Variants in MED12L observed in about 807,000 individuals in gnomAD.
The protein encoded by MED12L is mediator of RNA polymerase II transcription subunit 12-like protein.
MED12L carries 60 observed loss-of-function variants against 281.3 expected under a neutral mutation model. The observed-to-expected ratio is 0.21, with a 90% CI of 0.17 to 0.26. The LOEUF (loss-of-function observed/expected upper bound fraction) is 0.26. MED12L is among the 10% of genes least tolerant of loss of function. The pLI, the probability that MED12L is intolerant of heterozygous loss-of-function variation, is 1.00. For synonymous variants in MED12L, 974 were observed against 987.2 expected, an observed-to-expected ratio of 0.99 and a Z score of 0.25; for missense variants, 2,146 against 2,680.9, an observed-to-expected ratio of 0.80 and a Z score of 4.41.
In MED12L at chr3:151,436,367, TAGA is replaced by T. The variant is rs1164993984; in HGVS notation, c.*3566_*3568del. On this transcript the variant is annotated 3_prime_UTR_variant, in exon 45 of 45. Transcript: ENST00000687756. ...GAGGTGGACACTAGGCAACTGGTAT[TAGA>T]AGTTCATTTTTTTACTGAAAAATTC... is the stretch of plus-strand genomic sequence containing the variant. The T allele has an allele frequency of 2.7e-5, 6 of 224,008 alleles. No homozygotes were observed. The highest frequency in any genetic ancestry group is 3.5e-5 in the Non-Finnish European group (4 of 113,350). The allele number at this position is 224,008 out of a possible 1,614,324, so 13.9% of individuals were successfully genotyped here.
At chr3:151,216,021 G>C (rs182353500) in intron 16 of MED12L, among the ~76,000 whole-genome samples, 1 of 152,254 alleles carries the variant, frequency 6.6e-6, no homozygotes, top group East Asian at 1.9e-4. Context: ...TCCTAGCCTG[G>C]TTTGGGGTGG....
At chr3:151,432,607 G>A in intron 44 of MED12L, 145 bp from the exon 45 acceptor site, 1 of 590,010 alleles carries the variant, frequency 1.7e-6, no homozygotes, top group Admixed American at 3.0e-5. Context: ...CACCACAAGG[G>A]TTTTTCAGGG....
At chr3:151,417,487 C>CT (rs56128844) in intron 43 of MED12L, among the ~76,000 whole-genome samples, 38,553 of 78,788 alleles carry the variant, frequency 0.49, 10,603 homozygotes, top group Non-Finnish European at 0.57. Flanking sequence ...CCCCCCCCGC[C>CT]TTTTTTTTTT....
chr3:151,404,051 T>A (rs1387394233), intron 39 of MED12L, among the ~76,000 whole-genome samples: 1 of 152,226 alleles, frequency 6.6e-6, no homozygotes, highest in Non-Finnish European at 1.5e-5. Context: ...CAGGTGATAA[T>A]GTAATTCAGA....
At position 151,323,033 on chromosome 3, in the gene MED12L, G is replaced by A. The variant is rs146795705; in HGVS notation, c.2251-27026G>A. 1.9e-4 allele frequency among the ~76,000 whole-genome samples: 29 copies of A among 152,256 alleles called. No homozygotes were observed. The East Asian group carries it at 5.4e-3, about 28-fold the overall frequency. On this transcript the variant is annotated intron_variant, in intron 16 of 44. Coordinates refer to ENST00000687756, the MANE Select transcript of MED12L (RefSeq NM_001393769.1). ...TTCTGTGATGATGACCTAGCAAATCGTTCAAGCTAACGGTCCTGAGAGAAA... is the reference window on the plus strand; with the variant it reads ...TTCTGTGATGATGACCTAGCAAATCATTCAAGCTAACGGTCCTGAGAGAAA...
chr3:151,110,187 C>A (rs1269112673), intron 2 of MED12L, among the ~76,000 whole-genome samples: 4 of 152,158 alleles, frequency 2.6e-5, no homozygotes, highest in African/African-American at 9.7e-5. Flanking sequence ...GCATGCTGTT[C>A]CAAAATTTGG....
intron 20 of MED12L, among the ~76,000 whole-genome samples, chr3:151,359,162 T>TA (rs1186871724): frequency 6.6e-6 from 1 of 152,088 alleles, no homozygotes; most frequent in Non-Finnish European, 1.5e-5. Flanking sequence ...AGCTCCCACT[T>TA]ACAGTGAGAA....
intron 2 of MED12L, among the ~76,000 whole-genome samples, chr3:151,106,259 T>C (rs1268382635): frequency 1.7e-4 from 24 of 141,058 alleles, no homozygotes; most frequent in Middle Eastern, 3.8e-3. Context: ...TTCCTTTTCC[T>C]TTTCCCTTTC....
intron 8 of MED12L, among the ~76,000 whole-genome samples, chr3:151,162,602 C>T (rs1303775861): frequency 6.6e-6 from 1 of 151,374 alleles, no homozygotes; most frequent in East Asian, 1.9e-4. Flanking sequence ...CCACACCCAG[C>T]TAATTTTTAA....
intron 16 of MED12L, among the ~76,000 whole-genome samples, chr3:151,218,763 A>T (rs1000361948): frequency 6.9e-6 from 1 of 145,948 alleles, no homozygotes; most frequent in Non-Finnish European, 1.5e-5. Context: ...GTTACTTGGG[A>T]GGCTGAGGCA....
At chr3:151,213,392 T>A (rs1350911526) in intron 16 of MED12L, 1 of 1,614,084 alleles carries the variant, frequency 6.2e-7, no homozygotes, top group South Asian at 1.1e-5. Flanking sequence ...ATGTGCAATT[T>A]CTTACATAAG....
At chr3:151,297,419 A>C (rs1025352470) in intron 16 of MED12L, among the ~76,000 whole-genome samples, 1 of 149,210 alleles carries the variant, frequency 6.7e-6, no homozygotes, top group Admixed American at 6.7e-5. Context: ...TAGAACTCTT[A>C]GGGAAATAGA....
intron 11 of MED12L, among the ~76,000 whole-genome samples, chr3:151,176,911 C>T (rs908597431): frequency 5.3e-5 from 8 of 152,218 alleles, no homozygotes; most frequent in Non-Finnish European, 1.2e-4. Context: ...TTTAATGTAA[C>T]ACAGTGTATT....
At chr3:151,307,396 C>T (rs1746800256) in intron 16 of MED12L, among the ~76,000 whole-genome samples, 1 of 152,062 alleles carries the variant, frequency 6.6e-6, no homozygotes, top group Admixed American at 6.6e-5. Context: ...GCACAGCAGC[C>T]CTTCATTCAG....
chr3:151,312,079 T>G (rs1747620858), intron 16 of MED12L, among the ~76,000 whole-genome samples: 1 of 152,238 alleles, frequency 6.6e-6, no homozygotes, highest in East Asian at 1.9e-4. Context: ...TTTGCAGTTT[T>G]TCCCAATTTG....
intron 42 of MED12L, among the ~76,000 whole-genome samples, chr3:151,413,704 T>C (rs553574674): frequency 1.3e-5 from 2 of 152,302 alleles, no homozygotes; most frequent in South Asian, 2.1e-4. Context: ...TTCTGCAATC[T>C]AAAAACATTT....
At chr3:151,112,282 CTTTTTTT>C (rs11330453) in intron 2 of MED12L, among the ~76,000 whole-genome samples, 7 of 133,366 alleles carry the variant, frequency 5.2e-5, no homozygotes, top group Non-Finnish European at 7.9e-5. Context: ...ATTTCTTTTT[CTTTTTTT>C]TTTTTTTTTG....
At chr3:151,094,260 G>A (rs982177602) in intron 2 of MED12L, among the ~76,000 whole-genome samples, 8 of 152,232 alleles carry the variant, frequency 5.3e-5, no homozygotes, top group African/African-American at 1.4e-4. Context: ...CTCCCATGAG[G>A]TTCTGGGAAC....
intron 35 of MED12L, 112 bp from the exon 36 acceptor site, chr3:151,384,918 T>G: frequency 1.4e-6 from 1 of 726,076 alleles, no homozygotes; most frequent in Non-Finnish European, 2.5e-6. Flanking sequence ...GAACATGCGC[T>G]AAGCTATAAA....
Sources: allele counts gnomAD v4.1 joint callset (sites outside exome capture counted in the v4.1 genomes callset), GRCh38; gene constraint gnomAD v4.1.1; transcripts MANE v1.5; gene names NCBI Gene and HGNC (gene_info 2026-07-23, HGNC 2026-07-21).